The following MAP3K5 variants were observed in gnomAD, a reference collection of about 807,000 sequenced individuals.
The protein encoded by MAP3K5 is ASK-1.
A neutral mutation model predicts 158.7 loss-of-function variants in MAP3K5; 56 were observed. That is an observed-to-expected ratio of 0.35 (90% CI 0.28 to 0.44). MAP3K5 has a LOEUF of 0.44. Ranked by LOEUF, MAP3K5 falls within the 20% of genes least tolerant of loss-of-function variation. The probability of loss-of-function intolerance (pLI) is 1.00; values close to 1 mark genes in which losing one functional copy is unlikely to be tolerated. For synonymous variants in MAP3K5, 579 were observed against 601.7 expected, an observed-to-expected ratio of 0.96 and a Z score of 0.55; for missense variants, 1,294 against 1,674.8, an observed-to-expected ratio of 0.77 and a Z score of 3.97.
chr6:136,747,444 T>C (rs1252794514), intron 1 of MAP3K5, among the ~76,000 whole-genome samples: 1 of 152,162 alleles, frequency 6.6e-6, no homozygotes, highest in Non-Finnish European at 1.5e-5. Flanking sequence ...ATTAAAAGAA[T>C]TTTCTGGGGC....
At chr6:136,760,475 A>G (rs932605988) in intron 1 of MAP3K5, among the ~76,000 whole-genome samples, 1 of 152,256 alleles carries the variant, frequency 6.6e-6, no homozygotes, top group African/African-American at 2.4e-5. Context: ...CTTAATTCAC[A>G]TATATTCAGT....
chr6:136,613,099 A>G lies in MAP3K5; in HGVS notation c.2415+21T>C, dbSNP rs745585598. 1.3e-6 allele frequency: 2 copies of G among 1,574,730 alleles called. No homozygotes were observed. The highest frequency in any genetic ancestry group is 8.6e-7 in the Non-Finnish European group (1 of 1,162,708). ...CCCAGCAAAGAAAGAACTCATGAAA[A>G]TGAATGCTGGTGTACCTCACCTTTA... On this transcript the variant is annotated intron_variant, in intron 17 of 29. Coordinates refer to ENST00000359015, the MANE Select transcript of MAP3K5 (RefSeq NM_005923.4). This position sits in a 1 kb window ranked among gnomAD's most constrained non-coding sequence, Gnocchi z 4.0.
chr6:136,563,696 T>C (rs1275923082), intron 26 of MAP3K5, among the ~76,000 whole-genome samples: 1 of 152,266 alleles, frequency 6.6e-6, no homozygotes, highest in African/African-American at 2.4e-5. Context: ...CTACTCACCA[T>C]TTCCAATAGA....
chr6:136,690,765 C>A (rs1780349996), intron 7 of MAP3K5, among the ~76,000 whole-genome samples: 1 of 151,982 alleles, frequency 6.6e-6, no homozygotes, highest in African/African-American at 2.4e-5. Context: ...TTGATGGTAT[C>A]TTTTATATTT....
intron 25 of MAP3K5, chr6:136,579,916 C>T (rs531377555): frequency 1.7e-4 from 76 of 456,646 alleles, no homozygotes; most frequent in African/African-American, 1.3e-3. Flanking sequence ...CTCAATGCAA[C>T]GAGCTATGCA....
rs1399645571 is a variant in MAP3K5, at chr6:136,614,660, T to G, written c.2151-374A>C. 5.9e-5 allele frequency among the ~76,000 whole-genome samples: 9 copies of G among 152,356 alleles called. 1 individual carries two copies. In the East Asian group the frequency reaches 1.3e-3, roughly 23 times the overall value. On this transcript the variant is annotated intron_variant, in intron 15 of 29. Coordinates refer to ENST00000359015, the MANE Select transcript of MAP3K5 (RefSeq NM_005923.4). The stretch of plus-strand genomic sequence containing the variant: ...AGGAGAACGGAAATTGTCCACAGTT[T>G]ACTCTCCATATTAACATATTAACAT...
chr6:136,756,509 C>T (rs541169399), intron 1 of MAP3K5, among the ~76,000 whole-genome samples: 16 of 152,240 alleles, frequency 1.1e-4, no homozygotes, highest in African/African-American at 2.6e-4. Flanking sequence ...AGTGCAGTGG[C>T]GCAATCTCGG....
At chr6:136,576,265 T>C (rs1184403674) in intron 25 of MAP3K5, among the ~76,000 whole-genome samples, 2 of 152,152 alleles carry the variant, frequency 1.3e-5, no homozygotes, top group African/African-American at 4.8e-5. Flanking sequence ...TAAATCTCCA[T>C]CCTTTTTGAC....
intron 1 of MAP3K5, among the ~76,000 whole-genome samples, chr6:136,751,369 A>G (rs948834993): frequency 2.6e-5 from 4 of 152,234 alleles, no homozygotes; most frequent in African/African-American, 7.2e-5. Flanking sequence ...TACTAGCATT[A>G]AGGAAACACT....
chr6:136,668,451 C>A (rs759943757), intron 8 of MAP3K5, among the ~76,000 whole-genome samples: 8 of 151,884 alleles, frequency 5.3e-5, no homozygotes, highest in Non-Finnish European at 1.2e-4. Context: ...CTAAGATGAA[C>A]GTGTTATTTT....
chr6:136,583,738 C>T lies in MAP3K5; in HGVS notation c.3228G>A (p.Gly1076=). The part of the protein sequence containing the change: ...VRNLMESLAQ[G]AEEPKLKWEH... ...CCCATTTTAGTTTCGGTTCTTCAGC[C>T]CCCTGTGAATAAAAATCAACAATCC... The change falls in exon 24 of 30, where the codon GGG becomes GGA. Residue 1076 remains glycine (G), a splice_region_variant and synonymous_variant. Coordinates refer to ENST00000359015, the MANE Select transcript of MAP3K5 (RefSeq NM_005923.4). 2 of 1,613,448 alleles carry T rather than the reference C, an allele frequency of 1.2e-6. No individual in the cohort carries two copies. Among genetic ancestry groups the T allele is most frequent in the Non-Finnish European group, 1.7e-6 (2 of 1,179,612 alleles).
At chr6:136,762,893 C>T (rs1783818229) in intron 1 of MAP3K5, among the ~76,000 whole-genome samples, 1 of 152,210 alleles carries the variant, frequency 6.6e-6, no homozygotes, top group Non-Finnish European at 1.5e-5. Flanking sequence ...CTCTTCACAG[C>T]TAGAGAATAA....
intron 15 of MAP3K5, among the ~76,000 whole-genome samples, chr6:136,616,300 C>CTTTTTT (rs537263288): frequency 2.4e-5 from 3 of 122,674 alleles, no homozygotes; most frequent in Non-Finnish European, 5.1e-5. Flanking sequence ...ACCTGCTCCT[C>CTTTTTT]TTTTTTTTTT....
intron 1 of MAP3K5, among the ~76,000 whole-genome samples, chr6:136,740,425 G>A (rs12195309): frequency 0.049 from 7,382 of 151,996 alleles, 270 homozygotes; most frequent in Admixed American, 0.11. Context: ...TTCATGTCAC[G>A]TCAAGTTTCT....
chr6:136,657,485 CA>C (rs1424556534), intron 9 of MAP3K5, among the ~76,000 whole-genome samples: 1 of 152,176 alleles, frequency 6.6e-6, no homozygotes, highest in Non-Finnish European at 1.5e-5. Context: ...AAATGTGACT[CA>C]ATATCATGCG....
intron 2 of MAP3K5, among the ~76,000 whole-genome samples, chr6:136,709,111 C>T (rs999404274): frequency 2.0e-5 from 3 of 152,158 alleles, no homozygotes; most frequent in African/African-American, 7.2e-5. Context: ...CTACATTGCA[C>T]ATTTTTGTTC....
intron 25 of MAP3K5, among the ~76,000 whole-genome samples, chr6:136,571,122 C>G (rs139469684): frequency 1.3e-5 from 2 of 152,272 alleles, no homozygotes; most frequent in Non-Finnish European, 2.9e-5. Context: ...ATGGACCAAT[C>G]AGCATGCACC....
At chr6:136,712,987 T>C (rs1781375974) in intron 2 of MAP3K5, among the ~76,000 whole-genome samples, 1 of 152,192 alleles carries the variant, frequency 6.6e-6, no homozygotes, top group South Asian at 2.1e-4. Flanking sequence ...CAGTCTCAGG[T>C]ATGTCTTTAT....
intron 14 of MAP3K5, chr6:136,637,060 G>A: frequency 1.6e-6 from 2 of 1,282,972 alleles, no homozygotes; most frequent in East Asian, 3.3e-5. Flanking sequence ...CGTGGCCCAT[G>A]CATTGACACT....
Sources: allele counts gnomAD v4.1 joint callset (sites outside exome capture counted in the v4.1 genomes callset), GRCh38; gene constraint gnomAD v4.1.1; non-coding constraint Gnocchi (gnomAD v3.1); transcripts MANE v1.5; gene names NCBI Gene and HGNC (gene_info 2026-07-23, HGNC 2026-07-21).